Variants in DOCK1 observed in about 807,000 individuals in gnomAD.
DOCK1 encodes the protein dedicator of cytokinesis 1.
DOCK1 carries 138 observed loss-of-function variants against 262.7 expected under a neutral mutation model. The observed-to-expected ratio is 0.53, with a 90% CI of 0.46 to 0.61. The LOEUF is 0.61. Among genes scored for constraint, DOCK1 ranks in the 20% least tolerant of loss-of-function variants. The pLI is 0.00. For synonymous variants in DOCK1, 866 were observed against 867.4 expected (o/e 1.00, Z 0.03); for missense variants, 1,908 against 2,370.7 (o/e 0.80, Z 4.05).
At chr10:127,106,202 G>A in intron 23 of DOCK1, 29 bp from the exon 24 acceptor site, 1 of 1,565,676 alleles carries the variant, frequency 6.4e-7, no homozygotes, top group East Asian at 2.3e-5. Flanking sequence ...CCTGCATGCT[G>A]CTCAGCCTTC....
chr10:126,964,855 G>A (rs984493819), intron 1 of DOCK1, among the ~76,000 whole-genome samples: 7 of 152,210 alleles, frequency 4.6e-5, no homozygotes, highest in Non-Finnish European at 1.0e-4. Context: ...TACTGATTAA[G>A]TCTCAGCCTC....
In DOCK1 at chr10:127,180,873, G is replaced by A. The variant is rs531696784; in HGVS notation, c.2847+53109G>A. On this transcript the variant is annotated intron_variant, in intron 27 of 51. Coordinates refer to ENST00000623213, the MANE Select transcript of DOCK1 (RefSeq NM_001290223.2). ...ATACTGGAAAAAAATGAACAAAAAC[G>A]GTCATCGTTGTGGTATTAAGATAGC... Among the ~76,000 whole-genome samples the A allele has an allele frequency of 4.6e-5, 7 of 152,246 alleles. No homozygotes were observed. The South Asian group carries it at 6.2e-4, about 14-fold the overall frequency.
chr10:127,032,014 T>A (rs1276976821), intron 17 of DOCK1, 123 bp from the exon 18 acceptor site: 1 of 1,219,536 alleles, frequency 8.2e-7, no homozygotes, highest in African/African-American at 1.5e-5. Flanking sequence ...TATTAAAATG[T>A]GTATTTAATA....
At chr10:127,261,793 G>A (rs577536780) in intron 29 of DOCK1, among the ~76,000 whole-genome samples, 2 of 140,494 alleles carry the variant, frequency 1.4e-5, no homozygotes, top group East Asian at 2.2e-4. Context: ...ACCTGCATGT[G>A]TGTGCATGTG....
chr10:127,362,804 T>C (rs67854511), intron 33 of DOCK1, among the ~76,000 whole-genome samples: 37,045 of 73,342 alleles, frequency 0.51, 11,028 homozygotes, highest in African/African-American at 0.62. Flanking sequence ...ATACTGTTTA[T>C]GTATTCTTGG....
At chr10:127,044,382 G>A (rs1463750363) in intron 21 of DOCK1, among the ~76,000 whole-genome samples, 2 of 152,108 alleles carry the variant, frequency 1.3e-5, no homozygotes, top group Non-Finnish European at 2.9e-5. Context: ...TCAAGCCTGC[G>A]GAACAAGCTG....
chr10:126,983,636 C>G (rs1192620375), intron 4 of DOCK1, among the ~76,000 whole-genome samples: 1 of 152,114 alleles, frequency 6.6e-6, no homozygotes, highest in Admixed American at 6.6e-5. Context: ...CAGGCTCTGT[C>G]TTTCTTTTAC....
intron 27 of DOCK1, chr10:127,136,763 T>C (rs760274301): frequency 2.9e-4 from 45 of 152,804 alleles, no homozygotes; most frequent in South Asian, 4.1e-4. Flanking sequence ...ATAGGTTAAA[T>C]GTAGGCGACA....
intron 22 of DOCK1, among the ~76,000 whole-genome samples, chr10:127,057,276 GT>G (rs761988818): frequency 5.9e-5 from 9 of 152,114 alleles, no homozygotes; most frequent in Non-Finnish European, 4.4e-5. Context: ...TCATGAGTGT[GT>G]TTTCCTTTTT....
At chr10:127,322,007 G>A (rs1480250442) in intron 29 of DOCK1, among the ~76,000 whole-genome samples, 2 of 151,892 alleles carry the variant, frequency 1.3e-5, no homozygotes, top group Non-Finnish European at 2.9e-5. Context: ...GGAGGCTGAG[G>A]CACGAGGATC....
At chr10:127,128,750 A>T (rs1341219084) in intron 27 of DOCK1, among the ~76,000 whole-genome samples, 1 of 152,162 alleles carries the variant, frequency 6.6e-6, no homozygotes, top group Non-Finnish European at 1.5e-5. Flanking sequence ...ATACTATTCC[A>T]TGGTGTATAG....
chr10:127,353,254 C>T (rs2063974183), intron 31 of DOCK1, among the ~76,000 whole-genome samples: 1 of 152,210 alleles, frequency 6.6e-6, no homozygotes, highest in Non-Finnish European at 1.5e-5. Context: ...CCTGCCAGGT[C>T]ACCCTGCAGC....
intron 32 of DOCK1, among the ~76,000 whole-genome samples, chr10:127,360,082 C>T (rs2064338705): frequency 6.6e-6 from 1 of 152,146 alleles, no homozygotes; most frequent in African/African-American, 2.4e-5. Flanking sequence ...TTGATAGGAC[C>T]TGCCTCTGAG....
In DOCK1 at chr10:127,415,782, G is replaced by A. The variant is rs545842530; in HGVS notation, c.4515+544G>A. On this transcript the variant is annotated intron_variant, in intron 44 of 51. Transcript: ENST00000623213. ...TTTGAGATGGGGCAGTTTCATTTAC[G>A]TGAAACTCACATTTGCAGTGAGCTA... 1.8e-4 allele frequency among the ~76,000 whole-genome samples: 27 copies of A among 152,282 alleles called. No individual in the cohort carries two copies. In the South Asian group the frequency reaches 4.3e-3, roughly 25 times the overall value.
intron 22 of DOCK1, among the ~76,000 whole-genome samples, chr10:127,056,072 G>A (rs975347842): frequency 7.9e-5 from 12 of 152,142 alleles, no homozygotes; most frequent in Admixed American, 2.6e-4. Context: ...AAGACAAGTT[G>A]TAGCAATTGT....
At chr10:127,057,394 G>C (rs984882624) in intron 22 of DOCK1, among the ~76,000 whole-genome samples, 1 of 152,246 alleles carries the variant, frequency 6.6e-6, no homozygotes, top group East Asian at 1.9e-4. Context: ...ATAATTGACA[G>C]TAATTATTCT....
intron 27 of DOCK1, among the ~76,000 whole-genome samples, chr10:127,160,555 C>G (rs1456430861): frequency 1.3e-5 from 2 of 152,222 alleles, no homozygotes; most frequent in African/African-American, 4.8e-5. Flanking sequence ...CAGTTCAGAG[C>G]TTCTAGCATG....
chr10:127,023,312 G>A lies in DOCK1; in HGVS notation c.1440G>A (p.Gly480=). The change falls in exon 14 of 52, where the codon GGG becomes GGA. Residue 480 remains glycine (G), a synonymous_variant. Coordinates refer to ENST00000623213, the MANE Select transcript of DOCK1 (RefSeq NM_001290223.2). ...CGGTGTCTGTGTACGATGAGGATGG[G>A]AAACGATTAGAGGTATTTATTGTGG... is the stretch of plus-strand genomic sequence containing the variant. ...EVTVSVYDED[G]KRLEHVIFPG... The A allele has an allele frequency of 6.2e-7, 1 of 1,613,882 alleles. No individual in the cohort carries two copies. Among genetic ancestry groups the A allele is most frequent in the Non-Finnish European group, 8.5e-7 (1 of 1,179,864 alleles).
chr10:126,956,365 C>T (rs1679053145), intron 1 of DOCK1, among the ~76,000 whole-genome samples: 1 of 152,190 alleles, frequency 6.6e-6, no homozygotes, highest in Non-Finnish European at 1.5e-5. Context: ...CCTTCTTGTG[C>T]TAAGGCCTAC....
Sources: allele counts gnomAD v4.1 joint callset (sites outside exome capture counted in the v4.1 genomes callset), GRCh38; gene constraint gnomAD v4.1.1; transcripts MANE v1.5; gene names NCBI Gene and HGNC (gene_info 2026-07-23, HGNC 2026-07-21).